Variants in EIF3E observed in about 807,000 individuals in gnomAD.
EIF3E encodes eukaryotic translation initiation factor 3 subunit E, also known as eIF-3 p48.
EIF3E carries 25 observed loss-of-function variants against 59.3 expected under a neutral mutation model. The ratio of observed to expected loss-of-function variants is 0.42; its 90% CI spans 0.31 to 0.59. The LOEUF (loss-of-function observed/expected upper bound fraction) is 0.59, where lower values mean the gene tolerates loss of function less well. EIF3E is among the 20% of genes least tolerant of loss of function. The pLI is 0.15. For synonymous variants in EIF3E, 176 were observed against 170.2 expected (o/e 1.03, Z -0.26); for missense variants, 317 against 534.3 (o/e 0.59, Z 4.01).
At chr8:108,224,875 T>C (rs1815490669) in intron 7 of EIF3E, among the ~76,000 whole-genome samples, 1 of 151,576 alleles carries the variant, frequency 6.6e-6, no homozygotes, top group Non-Finnish European at 1.5e-5. Context: ...CCCTATATTT[T>C]TCACCACCAC....
At chr8:108,246,983 T>C (rs1243221288) in intron 1 of EIF3E, among the ~76,000 whole-genome samples, 1 of 152,208 alleles carries the variant, frequency 6.6e-6, no homozygotes, top group Non-Finnish European at 1.5e-5. Flanking sequence ...GATTTTTGAC[T>C]GCGAGAGCTC....
chr8:108,217,532 T>G, intron 7 of EIF3E, 72 bp from the exon 8 acceptor site: 3 of 1,274,904 alleles, frequency 2.4e-6, no homozygotes, highest in Non-Finnish European at 3.2e-6. Flanking sequence ...AGCAGGTCAT[T>G]AGATTGTACT....
intron 2 of EIF3E, among the ~76,000 whole-genome samples, chr8:108,240,644 T>C (rs1815816800): frequency 6.6e-6 from 1 of 152,202 alleles, no homozygotes; most frequent in African/African-American, 2.4e-5. Context: ...TGGAGAAAAC[T>C]TGCACATAAC....
In EIF3E at chr8:108,210,680, T is replaced by A. The variant is rs892658334; in HGVS notation, c.1061+3927A>T. The stretch of plus-strand genomic sequence containing the variant: ...GTTACATATGCACACATGTGCCATG[T>A]TGGTGTGCTGCACCCATTAACTCGT... On this transcript the variant is annotated intron_variant, in intron 10 of 12. Coordinates refer to ENST00000220849, the MANE Select transcript of EIF3E (RefSeq NM_001568.3). 3.4e-4 allele frequency among the ~76,000 whole-genome samples: 52 copies of A among 152,308 alleles called. 1 individual carries two copies. The highest frequency in any genetic ancestry group is 3.1e-3 in the Admixed American group (48 of 15,296).
In EIF3E at chr8:108,248,678, G is replaced by C. The variant is rs762263369; in HGVS notation, c.25C>G (p.Arg9Gly). Reference protein sequence around the residue: MAEYDLTTRIAHFLDRHLV... With the variant: MAEYDLTTGIAHFLDRHLV... ...TGCCGATCCAAAAAGTGCGCGATGC[G>C]AGTAGTCAAGTCGTACTCCGCCATC... is the stretch of plus-strand genomic sequence containing the variant. The change falls in exon 1 of 13, where the codon CGC (arginine) becomes GGC (glycine). Residue 9 changes from arginine to glycine, a missense_variant. Arg to Gly is a moderately radical substitution (Grantham distance 125). This residue lies in a region of EIF3E where 30 missense variants were observed against 22.2 expected (regional missense o/e 1.35). Transcript: ENST00000220849. 3 of 1,614,176 alleles carry C rather than the reference G, an allele frequency of 1.9e-6. No individual in the cohort carries two copies. Among genetic ancestry groups the C allele is most frequent in the Non-Finnish European group, 2.5e-6 (3 of 1,180,024 alleles).
chr8:108,235,906 G>C (rs1197867074), intron 4 of EIF3E, among the ~76,000 whole-genome samples: 2 of 152,068 alleles, frequency 1.3e-5, no homozygotes, highest in Non-Finnish European at 2.9e-5. Context: ...AACAATTACT[G>C]CCAACTATTA....
chr8:108,228,583 CCT>C (rs1293683625), intron 6 of EIF3E, among the ~76,000 whole-genome samples, 192 bp from the exon 7 acceptor site: 12 of 152,150 alleles, frequency 7.9e-5, no homozygotes, highest in African/African-American at 2.6e-4. Flanking sequence ...AAATTATTAC[CCT>C]GTTCTTAGAG....
At chr8:108,240,156 T>G in intron 2 of EIF3E, 81 bp from the exon 3 acceptor site, 1 of 1,120,136 alleles carries the variant, frequency 8.9e-7, no homozygotes, top group Admixed American at 1.7e-5. Flanking sequence ...CTGGAAATTT[T>G]TCAGTGTATT....
intron 2 of EIF3E, among the ~76,000 whole-genome samples, chr8:108,240,643 C>T (rs1188769679): frequency 6.6e-6 from 1 of 152,166 alleles, no homozygotes; most frequent in East Asian, 1.9e-4. Context: ...GTGGAGAAAA[C>T]TTGCACATAA....
intron 1 of EIF3E, among the ~76,000 whole-genome samples, chr8:108,245,506 G>C (rs1326162601): frequency 6.6e-6 from 1 of 152,184 alleles, no homozygotes; most frequent in African/African-American, 2.4e-5. Context: ...CTCTGTCCCA[G>C]AAGAGCGTAG....
intron 10 of EIF3E, among the ~76,000 whole-genome samples, chr8:108,208,615 A>G (rs1815150009): frequency 6.6e-6 from 1 of 152,134 alleles, no homozygotes; most frequent in Admixed American, 6.5e-5. Context: ...TACATTCTAA[A>G]TGTAAATTGT....
chr8:108,235,932 T>C (rs1327969726), intron 4 of EIF3E, among the ~76,000 whole-genome samples: 1 of 152,214 alleles, frequency 6.6e-6, no homozygotes, highest in African/African-American at 2.4e-5. Flanking sequence ...CTGGAATAAA[T>C]ACAAGCTTTG....
intron 3 of EIF3E, among the ~76,000 whole-genome samples, chr8:108,236,733 C>A (rs1380523754): frequency 1.3e-5 from 2 of 152,134 alleles, no homozygotes. Flanking sequence ...ATTAATAAAT[C>A]ATGCCTGGCC....
At chr8:108,248,500 A>C in intron 1 of EIF3E, 113 bp downstream of exon 1, 1 of 1,039,040 alleles carries the variant, frequency 9.6e-7, no homozygotes, top group Non-Finnish European at 1.4e-6. Flanking sequence ...TCCAGGAACC[A>C]AACTCGCGAC....
intron 7 of EIF3E, among the ~76,000 whole-genome samples, chr8:108,222,884 A>G (rs1016540046): frequency 3.3e-5 from 5 of 149,594 alleles, no homozygotes; most frequent in African/African-American, 7.4e-5. Context: ...TATGAAGTGA[A>G]ATTTCAAGCT....
At chr8:108,238,884 T>C (rs1815785083) in intron 3 of EIF3E, among the ~76,000 whole-genome samples, 1 of 152,222 alleles carries the variant, frequency 6.6e-6, no homozygotes. Context: ...ATATTCAATT[T>C]TAGTAAGAGA....
At chr8:108,246,296 G>GC (rs1422813960) in intron 1 of EIF3E, among the ~76,000 whole-genome samples, 1 of 140,738 alleles carries the variant, frequency 7.1e-6, no homozygotes, top group Non-Finnish European at 1.6e-5. Flanking sequence ...GGGGGGGGGG[G>GC]CTGCTGTATC....
At chr8:108,228,103 G>A in intron 7 of EIF3E, 164 bp downstream of exon 7, 3 of 669,438 alleles carry the variant, frequency 4.5e-6, no homozygotes, top group Non-Finnish European at 4.6e-6. Context: ...GTTTACTTAA[G>A]AGTCACATGC....
intron 5 of EIF3E, 36 bp from the exon 6 acceptor site, chr8:108,229,231 A>C (rs1474296004): frequency 6.3e-7 from 1 of 1,599,598 alleles, no homozygotes; most frequent in East Asian, 2.2e-5. Context: ...TATTGTGAAT[A>C]CTCTTGAAAA....
Sources: allele counts gnomAD v4.1 joint callset (sites outside exome capture counted in the v4.1 genomes callset), GRCh38; gene constraint gnomAD v4.1.1; regional missense constraint gnomAD v4.1.1; transcripts MANE v1.5; gene names NCBI Gene and HGNC (gene_info 2026-07-23, HGNC 2026-07-21).